PRKCE: variants seen among roughly 807,000 people sequenced by gnomAD.
PRKCE encodes the protein protein kinase C epsilon type.
A neutral mutation model predicts 85.4 loss-of-function variants in PRKCE; 16 were observed. The ratio of observed to expected loss-of-function variants is 0.19; its 90% CI spans 0.13 to 0.28. The LOEUF (loss-of-function observed/expected upper bound fraction) is 0.28. Among genes scored for constraint, PRKCE ranks in the 10% least tolerant of loss-of-function variants. PRKCE has a pLI of 1.00. For missense variants in PRKCE, 573 were observed against 975.2 expected, an observed-to-expected ratio of 0.59 and a Z score of 5.49; for synonymous variants, 388 against 371.5, an observed-to-expected ratio of 1.04 and a Z score of -0.51.
chr2:45,858,194 C>G (rs1189909123), intron 2 of PRKCE, among the ~76,000 whole-genome samples: 1 of 152,206 alleles, frequency 6.6e-6, no homozygotes, highest in Non-Finnish European at 1.5e-5. Context: ...AACGATGGCC[C>G]TTCTAGCCGC....
intron 1 of PRKCE, among the ~76,000 whole-genome samples, chr2:45,724,292 G>A (rs1489775321): frequency 6.6e-6 from 1 of 152,150 alleles, no homozygotes; most frequent in African/African-American, 2.4e-5. Context: ...TTGGAGTGGC[G>A]TGAATTGCCC....
In PRKCE at chr2:46,178,121, G is replaced by T. The variant is rs191322790; in HGVS notation, c.2068-6614G>T. On this transcript the variant is annotated intron_variant, in intron 14 of 14. Transcript: ENST00000306156. ...CTAAAAATACAAAAGCTAGCCAGGC[G>T]TGGTGGCACATGCCTGTAATCCCAG... is the stretch of plus-strand genomic sequence containing the variant. Among the ~76,000 whole-genome samples, 281 of 152,344 alleles carry T rather than the reference G, an allele frequency of 1.8e-3. 2 individuals carry two copies. The highest frequency in any genetic ancestry group is 6.3e-3 in the African/African-American group (263 of 41,578).
chr2:46,114,662 G>A (rs1235424735), intron 11 of PRKCE, among the ~76,000 whole-genome samples: 5 of 151,376 alleles, frequency 3.3e-5, no homozygotes, highest in African/African-American at 9.7e-5. Flanking sequence ...CTCGTAATCC[G>A]CCCGCCTCAG....
At position 45,905,598 on chromosome 2, in the gene PRKCE, T is replaced by C. The variant is rs1229169999; in HGVS notation, c.412+62535T>C. 2.6e-5 allele frequency among the ~76,000 whole-genome samples: 4 copies of C among 152,190 alleles called. No homozygotes were observed. Among genetic ancestry groups the C allele is most frequent in the Non-Finnish European group, 5.9e-5 (4 of 68,028 alleles). On this transcript the variant is annotated intron_variant, in intron 2 of 14. Transcript: ENST00000306156. This position sits in a 1 kb window ranked among gnomAD's most constrained non-coding sequence, Gnocchi z 4.4. ...AAAGCAGGGCTTTCACCGGGCTCTG[T>C]GTATCCTGGCCCTGCAAGTCCTTTC...
At chr2:45,757,335 GT>G (rs1330404636) in intron 1 of PRKCE, among the ~76,000 whole-genome samples, 1 of 135,726 alleles carries the variant, frequency 7.4e-6, no homozygotes, top group East Asian at 2.3e-4. Context: ...AAAAAAAAGA[GT>G]GTTCAATTGA....
chr2:46,093,518 T>C (rs1670382441), intron 11 of PRKCE, among the ~76,000 whole-genome samples: 1 of 139,368 alleles, frequency 7.2e-6, no homozygotes, highest in Admixed American at 7.8e-5. Flanking sequence ...AACATTATCT[T>C]ATTGTACTTT....
In PRKCE at chr2:45,755,204, C is replaced by A. The variant is rs940251087; in HGVS notation, c.349-87796C>A. The stretch of plus-strand genomic sequence containing the variant: ...CCACATTGTATAAGGTCGCCAACCA[C>A]GTTGTATAATAATGGGCTGGTGCGT... On this transcript the variant is annotated intron_variant, in intron 1 of 14. Coordinates refer to ENST00000306156, the MANE Select transcript of PRKCE (RefSeq NM_005400.3). Among the ~76,000 whole-genome samples, 4 of 152,168 alleles carry A rather than the reference C, an allele frequency of 2.6e-5. No homozygotes were observed. The East Asian group carries it at 7.7e-4, about 29-fold the overall frequency.
At chr2:45,665,253 G>T (rs2103784847) in intron 1 of PRKCE, among the ~76,000 whole-genome samples, 1 of 152,280 alleles carries the variant, frequency 6.6e-6, no homozygotes, top group South Asian at 2.1e-4. Context: ...TGCAACCATA[G>T]AAATCCTTTT....
chr2:45,884,491 A>G (rs113285203), intron 2 of PRKCE, among the ~76,000 whole-genome samples: 1 of 152,242 alleles, frequency 6.6e-6, no homozygotes, highest in African/African-American at 2.4e-5. Flanking sequence ...TAAAGTCTCC[A>G]TTTCTACGGA....
chr2:46,052,949 C>G (rs1317653624), intron 10 of PRKCE, among the ~76,000 whole-genome samples: 1 of 152,214 alleles, frequency 6.6e-6, no homozygotes, highest in Non-Finnish European at 1.5e-5. Context: ...AGTCTTTGCT[C>G]TCACACCATA....
intron 14 of PRKCE, chr2:46,167,110 C>G (rs1428997862): frequency 6.6e-6 from 1 of 152,214 alleles, no homozygotes; most frequent in Admixed American, 6.5e-5. Context: ...TGAACTTCTT[C>G]TCATCCCCAA....
At chr2:46,094,194 C>T (rs10202504) in intron 11 of PRKCE, among the ~76,000 whole-genome samples, 10 of 152,092 alleles carry the variant, frequency 6.6e-5, no homozygotes, top group South Asian at 6.2e-4. Context: ...AAGCTGTCAC[C>T]CTGGGATCCC....
chr2:45,882,226 T>A (rs972003569), intron 2 of PRKCE, among the ~76,000 whole-genome samples: 2 of 152,236 alleles, frequency 1.3e-5, no homozygotes, highest in Non-Finnish European at 2.9e-5. Flanking sequence ...CATGGTGATA[T>A]ACCTCCATGT....
At chr2:46,048,023 G>A (rs1708631222) in intron 10 of PRKCE, among the ~76,000 whole-genome samples, 1 of 152,160 alleles carries the variant, frequency 6.6e-6, no homozygotes, top group Non-Finnish European at 1.5e-5. Flanking sequence ...ATCATCAATA[G>A]TTATCAAACC....
At chr2:45,953,129 C>G (rs1346422703) in intron 2 of PRKCE, among the ~76,000 whole-genome samples, 2 of 152,238 alleles carry the variant, frequency 1.3e-5, no homozygotes, top group Non-Finnish European at 2.9e-5. Flanking sequence ...GAGGTGAACA[C>G]AGTTCTGAAC....
At chr2:45,783,988 A>G (rs1686396431) in intron 1 of PRKCE, among the ~76,000 whole-genome samples, 1 of 152,144 alleles carries the variant, frequency 6.6e-6, no homozygotes, top group African/African-American at 2.4e-5. Context: ...CTGCAGGGAG[A>G]TTTCATGTCA....
intron 11 of PRKCE, among the ~76,000 whole-genome samples, chr2:46,102,464 C>T (rs781297758): frequency 7.9e-5 from 12 of 152,204 alleles, no homozygotes; most frequent in Non-Finnish European, 1.8e-4. Context: ...AGAGTTGCCA[C>T]ACACCCTACA....
chr2:45,750,793 T>C (rs758386979), intron 1 of PRKCE, among the ~76,000 whole-genome samples: 6 of 152,180 alleles, frequency 3.9e-5, no homozygotes, highest in Non-Finnish European at 7.3e-5. Flanking sequence ...TATGCATTAG[T>C]ATTGCATGCT....
At chr2:46,052,972 C>G (rs1370040871) in intron 10 of PRKCE, among the ~76,000 whole-genome samples, 1 of 152,200 alleles carries the variant, frequency 6.6e-6, no homozygotes, top group Non-Finnish European at 1.5e-5. Context: ...CAAAAGTGAA[C>G]TCAAAGTGGA....
Sources: gnomAD v4.1 joint callset for allele counts (sites outside exome capture counted in the v4.1 genomes callset) on GRCh38, gnomAD v4.1.1 for gene constraint, Gnocchi (gnomAD v3.1) non-coding constraint, MANE v1.5 for transcripts, NCBI Gene and HGNC (gene_info 2026-07-23, HGNC 2026-07-21) for gene names.